Variants in TNRC18 observed in about 807,000 individuals in gnomAD.
TNRC18 encodes the protein trinucleotide repeat-containing gene 18 protein.
In TNRC18, 69 loss-of-function variants were observed where a neutral mutation model predicts 226.7. The observed-to-expected ratio is 0.30, with a 90% CI of 0.25 to 0.37. TNRC18 has a LOEUF of 0.37. Among genes scored for constraint, TNRC18 ranks in the 10% least tolerant of loss-of-function variants. The probability of loss-of-function intolerance (pLI) is 1.00; values close to 1 mark genes in which losing one functional copy is unlikely to be tolerated. For synonymous variants in TNRC18, 2,449 were observed against 1,927.6 expected (o/e 1.27, Z -7.09); for missense variants, 4,754 against 4,256.6 (o/e 1.12, Z -3.25).
intron 19 of TNRC18, among the ~76,000 whole-genome samples, chr7:5,331,385 G>A (rs1227140156): frequency 2.0e-5 from 3 of 152,110 alleles, no homozygotes; most frequent in Non-Finnish European, 4.4e-5. Context: ...AATCTGGGGT[G>A]TTCATAGAGA....
chr7:5,368,429 A>G (rs898549169), intron 11 of TNRC18, among the ~76,000 whole-genome samples: 5 of 152,098 alleles, frequency 3.3e-5, no homozygotes, highest in African/African-American at 4.8e-5. Flanking sequence ...TTGGGTGGCC[A>G]AGGCGGGTGG....
At chr7:5,338,926 G>GAAAAAAAAA (rs778716584) in intron 18 of TNRC18, among the ~76,000 whole-genome samples, 2 of 64,326 alleles carry the variant, frequency 3.1e-5, no homozygotes. Flanking sequence ...ATCTCAAAAG[G>GAAAAAAAAA]AAAAAAAAAA....
intron 2 of TNRC18, among the ~76,000 whole-genome samples, chr7:5,409,066 G>A (rs1562634031): frequency 6.6e-6 from 1 of 152,104 alleles, no homozygotes; most frequent in South Asian, 2.1e-4. Context: ...GATATACAAG[G>A]TCAACAAGGA....
intron 24 of TNRC18, among the ~76,000 whole-genome samples, chr7:5,316,543 T>A (rs1301467005): frequency 1.3e-5 from 2 of 152,016 alleles, no homozygotes; most frequent in African/African-American, 4.8e-5. Context: ...CCTCCCAAAG[T>A]GCTGGGATTA....
chr7:5,372,564 A>T (rs1281599599), intron 10 of TNRC18, among the ~76,000 whole-genome samples: 3 of 152,066 alleles, frequency 2.0e-5, no homozygotes, highest in Non-Finnish European at 4.4e-5. Flanking sequence ...AAGAAAAAAA[A>T]ATTAGCTGGT....
In TNRC18 at chr7:5,313,537, G is replaced by T; in HGVS notation, c.7354C>A (p.Arg2452=). The T allele has an allele frequency of 6.2e-7, 1 of 1,611,218 alleles. No individual in the cohort carries two copies. Among genetic ancestry groups the T allele is most frequent in the Non-Finnish European group, 8.5e-7 (1 of 1,178,842 alleles). Reference sequence around the variant, plus strand: ...AGCTCGGCCTCCTCCCCCGGCCTCCGAGGGCCCTTGGCACCCGACTCCTCG... The same window carrying T: ...AGCTCGGCCTCCTCCCCCGGCCTCCTAGGGCCCTTGGCACCCGACTCCTCG... ...AAEESGAKGP[R]RPGEEAELLV... Residue 2452 remains arginine (R), a synonymous_variant, in exon 27 of 30, where the codon CGG becomes AGG. Coordinates refer to ENST00000430969, the MANE Select transcript of TNRC18 (RefSeq NM_001080495.3).
At chr7:5,373,178 G>C (rs1794319579) in intron 10 of TNRC18, among the ~76,000 whole-genome samples, 1 of 152,048 alleles carries the variant, frequency 6.6e-6, no homozygotes, top group Non-Finnish European at 1.5e-5. Flanking sequence ...TAAATAAATA[G>C]CCAAGTCCAG....
Position 5,374,283 on chromosome 7 carries a change from C to T in TNRC18, c.3001G>A (p.Val1001Met), listed in dbSNP as rs1303869989. ...SPPPSPRASP[V>M]AALKAKVIQK... ...ATGACCTTGGCCTTCAGGGCAGCCA[C>T]AGGGGATGCGCGGGGTGATGGTGGC... The change falls in exon 10 of 30, where the codon GTG becomes ATG. Residue 1001 changes from valine (V) to methionine (M), a missense_variant. Physicochemically the swap from Val to Met is conservative, Grantham distance 21. Transcript: ENST00000430969. 2.0e-6 allele frequency: 3 copies of T among 1,478,850 alleles called. No individual in the cohort carries two copies. The African/African-American group carries it at 4.3e-5, about 21-fold the overall frequency. 91.6% of individuals were successfully genotyped at this position (1,478,850 alleles called of 1,614,324 possible).
intron 11 of TNRC18, among the ~76,000 whole-genome samples, chr7:5,364,849 C>T (rs1366935210): frequency 6.7e-6 from 1 of 149,538 alleles, no homozygotes; most frequent in Non-Finnish European, 1.5e-5. Context: ...CATACTGTAT[C>T]ACATTTTGCT....
At chr7:5,408,683 CAG>C (rs1235519799) in intron 2 of TNRC18, among the ~76,000 whole-genome samples, 2 of 152,090 alleles carry the variant, frequency 1.3e-5, no homozygotes, top group East Asian at 1.9e-4. Context: ...AGCAAGAAAG[CAG>C]AGAGACAAGA....
chr7:5,380,086 C>G (rs1779293689), intron 5 of TNRC18, among the ~76,000 whole-genome samples: 1 of 152,270 alleles, frequency 6.6e-6, no homozygotes, highest in South Asian at 2.1e-4. Context: ...GGTGAGGAAA[C>G]TTGGAATCAA....
At chr7:5,408,834 G>A (rs28771973) in intron 2 of TNRC18, among the ~76,000 whole-genome samples, 1 of 152,014 alleles carries the variant, frequency 6.6e-6, no homozygotes, top group Non-Finnish European at 1.5e-5. Flanking sequence ...AAAAGCTGAG[G>A]ACAAGAGAGT....
rs1794036851 is a variant in TNRC18, at chr7:5,370,467, C to T, written c.4127G>A (p.Ser1376Asn). The T allele has an allele frequency of 6.3e-7, 1 of 1,577,960 alleles. No homozygotes were observed. Among genetic ancestry groups the T allele is most frequent in the Non-Finnish European group, 8.6e-7 (1 of 1,161,682 alleles). ...CAGGAAGCTCTGCTCCAAGACAAGG[C>T]TCTCGGCTGCTTCCAGCTTCTCCAA... ...QALEKLEAAE[S>N]LVLEQSFLHG... The change falls in exon 11 of 30, where the codon AGC becomes AAC. Residue 1376 changes from serine to asparagine, a missense_variant. Ser to Asn is a conservative substitution (Grantham distance 46). Transcript: ENST00000430969.
chr7:5,365,441 G>A (rs1000831555), intron 11 of TNRC18, among the ~76,000 whole-genome samples: 1 of 151,406 alleles, frequency 6.6e-6, no homozygotes, highest in Non-Finnish European at 1.5e-5. Flanking sequence ...GGAGCACATG[G>A]GCACATAGCT....
Position 5,346,839 on chromosome 7 carries a change from G to C in TNRC18, c.5471-1029C>G, listed in dbSNP as rs1791245692. Among the ~76,000 whole-genome samples the C allele has an allele frequency of 3.9e-5, 6 of 152,304 alleles. 1 individual carries two copies. The South Asian group carries it at 1.2e-3, about 32-fold the overall frequency. On this transcript the variant is annotated intron_variant, in intron 17 of 29. Coordinates refer to ENST00000430969, the MANE Select transcript of TNRC18 (RefSeq NM_001080495.3). ...ATTTGCATGGAGGAGAAAGCCATTT[G>C]CAAGCTTAAAGACAATCGAACAGAA...
chr7:5,361,854 G>T, intron 13 of TNRC18, 43 bp downstream of exon 13: 2 of 1,512,670 alleles, frequency 1.3e-6, no homozygotes, highest in Non-Finnish European at 1.8e-6. Flanking sequence ...GGCCTGGTGG[G>T]CCGGGGCAGG....
At chr7:5,310,989 GATGCACGTGCACGCATGT>G (rs1562473022) in intron 27 of TNRC18, among the ~76,000 whole-genome samples, 1 of 151,690 alleles carries the variant, frequency 6.6e-6, no homozygotes, top group African/African-American at 2.4e-5. Context: ...CACGTGCATG[GATGCACGTGCACGCATGT>G]ATGTGCCTAC....
chr7:5,344,971 A>G (rs1382451518), intron 18 of TNRC18, among the ~76,000 whole-genome samples: 1 of 152,140 alleles, frequency 6.6e-6, no homozygotes, highest in Non-Finnish European at 1.5e-5. Flanking sequence ...TGGTTTACCT[A>G]TCTGGATTGT....
chr7:5,422,634 C>G (rs532704038), intron 1 of TNRC18, among the ~76,000 whole-genome samples: 4 of 152,294 alleles, frequency 2.6e-5, no homozygotes, highest in African/African-American at 9.6e-5. Flanking sequence ...GCCCTGCACT[C>G]CGCGCCCAGC....
Sources: allele counts gnomAD v4.1 joint callset (sites outside exome capture counted in the v4.1 genomes callset), GRCh38; gene constraint gnomAD v4.1.1; transcripts MANE v1.5; gene names NCBI Gene and HGNC (gene_info 2026-07-23, HGNC 2026-07-21).